WWOX: variants seen among roughly 807,000 people sequenced by gnomAD.
The protein encoded by WWOX is WW domain-containing oxidoreductase.
WWOX carries 69 observed loss-of-function variants against 46.2 expected under a neutral mutation model. The observed-to-expected ratio is 1.49, with a 90% confidence interval of 1.23 to 1.82. The LOEUF (loss-of-function observed/expected upper bound fraction) is 1.82, where lower values mean the gene tolerates loss of function less well. Among genes scored for constraint, WWOX ranks in the 40% most tolerant of loss-of-function variants. The pLI is 0.00. For missense variants in WWOX, 919 were observed against 542.6 expected, an observed-to-expected ratio of 1.69 and a Z score of -6.89; for synonymous variants, 359 against 202.6, an observed-to-expected ratio of 1.77 and a Z score of -6.56.
At chr16:78,572,849 A>G (rs996849119) in intron 8 of WWOX, among the ~76,000 whole-genome samples, 12 of 152,008 alleles carry the variant, frequency 7.9e-5, no homozygotes, top group Non-Finnish European at 1.8e-4. Flanking sequence ...AGGTATTGGA[A>G]AGTTCTGTTT....
At chr16:78,618,326 G>C (rs1447534153) in intron 8 of WWOX, among the ~76,000 whole-genome samples, 3 of 152,206 alleles carry the variant, frequency 2.0e-5, no homozygotes, top group African/African-American at 7.2e-5. Context: ...TAAACAACAG[G>C]AATGTAGTTC....
At chr16:78,930,219 C>G (rs893251736) in intron 8 of WWOX, among the ~76,000 whole-genome samples, 1 of 116,118 alleles carries the variant, frequency 8.6e-6, no homozygotes, top group Non-Finnish European at 1.8e-5. Context: ...ATTTCAGGAC[C>G]TTTCTTCCTT....
chr16:78,830,975 T>G (rs1567590405), intron 8 of WWOX, among the ~76,000 whole-genome samples: 4 of 152,150 alleles, frequency 2.6e-5, no homozygotes, highest in South Asian at 2.1e-4. Flanking sequence ...TTGGAAACCA[T>G]GTTCTTTTAA....
At chr16:78,630,328 G>C (rs949988085) in intron 8 of WWOX, among the ~76,000 whole-genome samples, 1 of 152,092 alleles carries the variant, frequency 6.6e-6, no homozygotes, top group African/African-American at 2.4e-5. Context: ...ATTTAGGAGG[G>C]CTGTCACCAT....
chr16:78,572,857 T>C (rs1005305361), intron 8 of WWOX, among the ~76,000 whole-genome samples: 1 of 152,046 alleles, frequency 6.6e-6, no homozygotes, highest in Non-Finnish European at 1.5e-5. Context: ...GAAAGTTCTG[T>C]TTCTTAAAAT....
intron 5 of WWOX, among the ~76,000 whole-genome samples, chr16:78,317,555 C>T (rs762946946): frequency 3.9e-4 from 59 of 152,146 alleles, no homozygotes; most frequent in Admixed American, 5.2e-4. Context: ...AAGTACCTTA[C>T]CTCCTTCCAG....
At chr16:78,321,886 A>G (rs1203224496) in intron 5 of WWOX, among the ~76,000 whole-genome samples, 1 of 152,096 alleles carries the variant, frequency 6.6e-6, no homozygotes, top group Non-Finnish European at 1.5e-5. Context: ...ATTTAGTGAC[A>G]TGCGCTCTTC....
In WWOX at chr16:78,547,507, C is replaced by G. The variant is rs146020544; in HGVS notation, c.1056+114755C>G. ...GACACTGTATTAGTTACAAGTGATT[C>G]TACTTCTCATTCATTAGGCCATCCA... is the stretch of plus-strand genomic sequence containing the variant. On this transcript the variant is annotated intron_variant, in intron 8 of 8. Transcript: ENST00000566780. Among the ~76,000 whole-genome samples the G allele has an allele frequency of 5.3e-5, 8 of 152,322 alleles. No homozygotes were observed. The East Asian group carries it at 9.7e-4, about 18-fold the overall frequency.
chr16:79,199,276 T>C (rs1406984391), intron 8 of WWOX, among the ~76,000 whole-genome samples: 2 of 152,208 alleles, frequency 1.3e-5, no homozygotes, highest in African/African-American at 4.8e-5. Context: ...TTGGCCAGGC[T>C]GGTCTCGAAC....
At chr16:78,648,668 G>A (rs1258128369) in intron 8 of WWOX, among the ~76,000 whole-genome samples, 1 of 152,138 alleles carries the variant, frequency 6.6e-6, no homozygotes, top group Non-Finnish European at 1.5e-5. Flanking sequence ...TCCTGGTCTA[G>A]GGAGCCCACC....
intron 8 of WWOX, among the ~76,000 whole-genome samples, chr16:78,851,258 C>A (rs757207605): frequency 4.6e-5 from 7 of 152,002 alleles, no homozygotes; most frequent in African/African-American, 1.7e-4. Flanking sequence ...ATGTGTAAAC[C>A]CAGGGTCATA....
chr16:78,737,900 C>CCAGT (rs1183846818), intron 8 of WWOX, among the ~76,000 whole-genome samples: 2 of 152,098 alleles, frequency 1.3e-5, no homozygotes, highest in Non-Finnish European at 2.9e-5. Flanking sequence ...CCATGAGTTC[C>CCAGT]CAGTCAGTCA....
At chr16:78,860,797 G>C (rs2043865785) in intron 8 of WWOX, among the ~76,000 whole-genome samples, 1 of 152,110 alleles carries the variant, frequency 6.6e-6, no homozygotes, top group South Asian at 2.1e-4. Context: ...AAATGATCCA[G>C]CTTAGCTCAG....
At chr16:78,808,527 T>G (rs1056373475) in intron 8 of WWOX, among the ~76,000 whole-genome samples, 1 of 152,202 alleles carries the variant, frequency 6.6e-6, no homozygotes, top group East Asian at 1.9e-4. Flanking sequence ...CCTTTGTGAA[T>G]TTCCGATGTC....
At chr16:78,766,566 C>T (rs986607955) in intron 8 of WWOX, among the ~76,000 whole-genome samples, 9 of 152,248 alleles carry the variant, frequency 5.9e-5, no homozygotes, top group East Asian at 1.9e-4. Context: ...CCAGCCTGGG[C>T]GACAGAGGGA....
chr16:78,802,574 C>G (rs928280373), intron 8 of WWOX, among the ~76,000 whole-genome samples: 3 of 151,996 alleles, frequency 2.0e-5, no homozygotes, highest in African/African-American at 4.8e-5. Flanking sequence ...TCCTTAACAA[C>G]TAATTAATAA....
At chr16:78,200,201 C>T (rs2036189123) in intron 5 of WWOX, among the ~76,000 whole-genome samples, 1 of 151,974 alleles carries the variant, frequency 6.6e-6, no homozygotes, top group South Asian at 2.1e-4. Flanking sequence ...AGCCGCTGAC[C>T]CTGATCTCCT....
chr16:78,366,751 A>C (rs2081543936), intron 5 of WWOX, among the ~76,000 whole-genome samples: 1 of 152,194 alleles, frequency 6.6e-6, no homozygotes, highest in Non-Finnish European at 1.5e-5. Context: ...AAGGTTTTCC[A>C]ATCTCTGTTC....
chr16:78,485,134 A>G (rs992444162), intron 8 of WWOX, among the ~76,000 whole-genome samples: 1 of 146,806 alleles, frequency 6.8e-6, no homozygotes, highest in Non-Finnish European at 1.5e-5. Context: ...TTAGGTTTAC[A>G]TGTACTTTAA....
Sources: gnomAD v4.1 joint callset for allele counts (sites outside exome capture counted in the v4.1 genomes callset) on GRCh38, gnomAD v4.1.1 for gene constraint, MANE v1.5 for transcripts, NCBI Gene and HGNC (gene_info 2026-07-23, HGNC 2026-07-21) for gene names.